CCDC171: variants seen among roughly 807,000 people sequenced by gnomAD.
CCDC171 encodes the protein coiled-coil domain-containing protein 171.
A neutral mutation model predicts 168.2 loss-of-function variants in CCDC171; 177 were observed. The ratio of observed to expected loss-of-function variants is 1.05; its 90% CI spans 0.93 to 1.19. The LOEUF (loss-of-function observed/expected upper bound fraction) is 1.19, where lower values mean the gene tolerates loss of function less well. Among genes scored for constraint, CCDC171 ranks in the 50% most tolerant of loss-of-function variants. The probability of loss-of-function intolerance (pLI) is 0.00; values close to 1 mark genes in which losing one functional copy is unlikely to be tolerated. For synonymous variants in CCDC171, 687 were observed against 540.8 expected (o/e 1.27, Z -3.75); for missense variants, 1,991 against 1,539.0 (o/e 1.29, Z -4.91).
intron 23 of CCDC171, among the ~76,000 whole-genome samples, chr9:15,871,880 T>C (rs1389710071): frequency 6.6e-6 from 1 of 151,994 alleles, no homozygotes; most frequent in Non-Finnish European, 1.5e-5. Flanking sequence ...CTGTTTTGGA[T>C]TCTTTCAACA....
intron 5 of CCDC171, among the ~76,000 whole-genome samples, chr9:15,592,183 GC>G (rs953437754): frequency 2.0e-5 from 3 of 151,084 alleles, no homozygotes; most frequent in Non-Finnish European, 4.4e-5. Flanking sequence ...ACATGACAAA[GC>G]CAGGTATGGT....
intron 1 of CCDC171, among the ~76,000 whole-genome samples, chr9:15,560,162 T>G (rs1235580163): frequency 6.6e-6 from 1 of 152,126 alleles, no homozygotes; most frequent in African/African-American, 2.4e-5. Flanking sequence ...CCCTTAATAT[T>G]TTTTCCTTCA....
At chr9:15,895,917 T>G (rs1183335425) in intron 24 of CCDC171, among the ~76,000 whole-genome samples, 1 of 152,090 alleles carries the variant, frequency 6.6e-6, no homozygotes, top group African/African-American at 2.4e-5. Context: ...AGTAGTATCT[T>G]CTGAGAAACT....
chr9:16,092,240 G>A, the CCDC171 span, among the ~76,000 whole-genome samples: 1,236 of 152,316 alleles, frequency 8.1e-3, 18 homozygotes, highest in African/African-American at 0.028. Flanking sequence ...ACATTCCTCA[G>A]ACAAGGGGTC....
chr9:15,910,685 A>G (rs956225699), intron 24 of CCDC171, among the ~76,000 whole-genome samples: 2 of 151,978 alleles, frequency 1.3e-5, no homozygotes, highest in African/African-American at 4.8e-5. Flanking sequence ...TCCTAATGCT[A>G]TCCCTCCCCT....
intron 23 of CCDC171, among the ~76,000 whole-genome samples, chr9:15,860,320 G>A (rs1477745262): frequency 1.3e-5 from 2 of 150,326 alleles, no homozygotes; most frequent in Non-Finnish European, 3.0e-5. Context: ...GGTTTAGTTT[G>A]TTCTTCTTCT....
chr9:15,994,062 A>G lies in CCDC171; in HGVS notation n.369-26527A>G, dbSNP rs1039240556. Among the ~76,000 whole-genome samples, 5 of 152,208 alleles carry G rather than the reference A, an allele frequency of 3.3e-5. No homozygotes were observed. In the South Asian group the frequency reaches 8.3e-4, roughly 25 times the overall value. On this transcript the variant is annotated intron_variant and non_coding_transcript_variant, in intron 3 of 9. Transcript: ENST00000486641. Reference sequence around the variant, plus strand: ...TCAAGAATCGAGAACTAGAAATACCATTTGACCCAGCCATCCCATTGCTAT... The same window carrying G: ...TCAAGAATCGAGAACTAGAAATACCGTTTGACCCAGCCATCCCATTGCTAT...
rs577056627 is a variant in CCDC171 at position 15,907,037 on chromosome 9, C to T, written c.3601-13233C>T. ...CAAGCAAATGGAAGAACATTCCATGCTCATGGGTAGGAAGAATCAATATCG... is the reference window on the plus strand; with the variant it reads ...CAAGCAAATGGAAGAACATTCCATGTTCATGGGTAGGAAGAATCAATATCG... On this transcript the variant is annotated intron_variant, in intron 24 of 25. Coordinates refer to ENST00000380701, the MANE Select transcript of CCDC171 (RefSeq NM_173550.4). 5.3e-3 allele frequency among the ~76,000 whole-genome samples: 812 copies of T among 152,250 alleles called. 9 individuals are homozygous for T. Among genetic ancestry groups the T allele is most frequent in the African/African-American group, 0.018 (764 of 41,504 alleles).
At chr9:15,633,426 C>T (rs1443932906) in intron 7 of CCDC171, among the ~76,000 whole-genome samples, 4 of 152,174 alleles carry the variant, frequency 2.6e-5, no homozygotes, top group Non-Finnish European at 5.9e-5. Flanking sequence ...TGAAAAAATG[C>T]TCACCGTCAC....
At chr9:15,630,945 C>G (rs906470059) in intron 7 of CCDC171, among the ~76,000 whole-genome samples, 1 of 152,048 alleles carries the variant, frequency 6.6e-6, no homozygotes, top group Non-Finnish European at 1.5e-5. Flanking sequence ...GAAATGAAGA[C>G]AGAAATAAAG....
chr9:15,854,657 T>C (rs2061278128), intron 23 of CCDC171, among the ~76,000 whole-genome samples: 1 of 151,678 alleles, frequency 6.6e-6, no homozygotes, highest in South Asian at 2.1e-4. Flanking sequence ...TGTCTCTCTC[T>C]TAACTGCTCC....
intron 21 of CCDC171, among the ~76,000 whole-genome samples, chr9:15,809,282 G>C (rs1012189315): frequency 6.6e-6 from 1 of 152,178 alleles, no homozygotes; most frequent in African/African-American, 2.4e-5. Context: ...CTAGTGTCTA[G>C]AGCAGCACTG....
At chr9:15,575,693 G>T (rs539957951) in intron 3 of CCDC171, among the ~76,000 whole-genome samples, 2 of 152,246 alleles carry the variant, frequency 1.3e-5, no homozygotes, top group South Asian at 4.1e-4. Context: ...CTTCAGTTCT[G>T]AAAGGCTTGA....
In CCDC171 at chr9:15,666,100, T is replaced by A. The variant is rs1345805028; in HGVS notation, c.916-63T>A. 16 of 1,425,760 alleles carry A rather than the reference T, an allele frequency of 1.1e-5. No homozygotes were observed. The Admixed American group carries it at 3.0e-4, about 27-fold the overall frequency. 88.3% of individuals were successfully genotyped at this position (1,425,760 alleles called of 1,614,324 possible). A position where few individuals can be genotyped will look rare whatever the true frequency, so the allele number is the denominator to read the frequency against. ...ATCTGTTACTGACAAAGTATTCTAC[T>A]CAATTTAAGATTGATGCTAGCATTT... is the stretch of plus-strand genomic sequence containing the variant. On this transcript the variant is annotated intron_variant, in intron 8 of 25. Coordinates refer to ENST00000380701, the MANE Select transcript of CCDC171 (RefSeq NM_173550.4).
At chr9:15,663,687 G>A (rs2048497376) in intron 8 of CCDC171, among the ~76,000 whole-genome samples, 1 of 148,842 alleles carries the variant, frequency 6.7e-6, no homozygotes, top group South Asian at 2.1e-4. Context: ...CTCACTGCAA[G>A]CTCTGCCTCC....
downstream of CCDC171, among the ~76,000 whole-genome samples, chr9:15,978,115 C>G (rs139216893): frequency 2.3e-4 from 35 of 152,172 alleles, no homozygotes; most frequent in African/African-American, 7.7e-4. Flanking sequence ...CATTTAGGAC[C>G]TGAGGTTTAA....
chr9:15,639,554 C>G (rs1027413915), intron 7 of CCDC171, among the ~76,000 whole-genome samples: 2 of 151,934 alleles, frequency 1.3e-5, no homozygotes, highest in Non-Finnish European at 2.9e-5. Flanking sequence ...CTTTTATAAT[C>G]TGAGTGGTAT....
intron 6 of CCDC171, among the ~76,000 whole-genome samples, chr9:15,596,359 A>T (rs1276284490): frequency 6.6e-6 from 1 of 151,718 alleles, no homozygotes; most frequent in African/African-American, 2.4e-5. Context: ...AGCTTTCTAC[A>T]TATGGCTAGC....
chr9:15,925,954 T>C (rs1006720955), intron 25 of CCDC171, among the ~76,000 whole-genome samples: 1 of 151,616 alleles, frequency 6.6e-6, no homozygotes, highest in Non-Finnish European at 1.5e-5. Context: ...AATCATTAAG[T>C]GGACATTATT....
Sources: gnomAD v4.1 joint callset for allele counts (sites outside exome capture counted in the v4.1 genomes callset) on GRCh38, gnomAD v4.1.1 for gene constraint, MANE v1.5 for transcripts, NCBI Gene and HGNC (gene_info 2026-07-23, HGNC 2026-07-21) for gene names.